COMMD5: variants seen among roughly 807,000 people sequenced by gnomAD.
The protein encoded by COMMD5 is COMM domain containing 5.
Under a neutral mutation model 6.9 loss-of-function variants are expected in COMMD5, and 10 were observed. The ratio of observed to expected loss-of-function variants is 1.44; its 90% confidence interval spans 0.89 to 2.45. COMMD5 has a LOEUF of 2.45. COMMD5 is among the 30% of genes most tolerant of loss of function. COMMD5 has a pLI of 0.00. For missense variants in COMMD5, 234 were observed against 287.8 expected, an observed-to-expected ratio of 0.81 and a Z score of 1.35; for synonymous variants, 127 against 125.3, an observed-to-expected ratio of 1.01 and a Z score of -0.09.
intron 1 of COMMD5, chr8:144,842,252 G>C: frequency 1.2e-6 from 2 of 1,614,084 alleles, no homozygotes; most frequent in Non-Finnish European, 1.7e-6. Context: ...CAGCATCAAA[G>C]GATGCATACT....
intron 1 of COMMD5, chr8:144,841,781 G>A: frequency 6.2e-7 from 1 of 1,614,184 alleles, no homozygotes; most frequent in East Asian, 2.2e-5. Context: ...ATTAGCAGAT[G>A]TCAAGAATGC....
chr8:144,847,118 G>C (rs1830553903), downstream of COMMD5: 1 of 152,290 alleles, frequency 6.6e-6, no homozygotes, highest in Admixed American at 6.5e-5. Context: ...ACAGCTTTGA[G>C]ATCTGAGTAT....
downstream of COMMD5, chr8:144,845,890 T>C: frequency 2.2e-6 from 3 of 1,339,486 alleles, no homozygotes; most frequent in South Asian, 4.1e-5. Context: ...ACGTGGCTGC[T>C]GAGAAGGGTC....
At chr8:144,846,307 A>T, downstream of COMMD5, 1 of 923,502 alleles carries the variant, frequency 1.1e-6, no homozygotes, top group Non-Finnish European at 1.6e-6. Flanking sequence ...ACATGGTCCT[A>T]AGTCAGGGGC....
At chr8:144,838,175 CCTT>C (rs1563834386), downstream of COMMD5, 1 of 702,390 alleles carries the variant, frequency 1.4e-6, no homozygotes, top group Admixed American at 2.0e-5. Context: ...ATCTCCGACT[CCTT>C]CACACGGCTG....
At chr8:144,838,164 G>C (rs1381836780), downstream of COMMD5, 7 of 702,688 alleles carry the variant, frequency 1.0e-5, no homozygotes, top group African/African-American at 7.0e-5. Context: ...CCCTCACTCT[G>C]ATCTCCGACT....
exon 2 of COMMD5, chr8:144,841,715 A>C: frequency 6.2e-7 from 1 of 1,614,176 alleles, no homozygotes; most frequent in East Asian, 2.2e-5. Context: ...GAGTGTGGCA[A>C]AGGCATCAGA....
downstream of COMMD5, chr8:144,840,892 C>CTT (rs1399527686): frequency 3.2e-5 from 5 of 156,420 alleles, no homozygotes; most frequent in East Asian, 7.4e-4. Context: ...TAGTAAGTCC[C>CTT]TTGGCAGCTC....
chr8:144,838,475 A>G, downstream of COMMD5: 1 of 299,740 alleles, frequency 3.3e-6, no homozygotes, highest in Non-Finnish European at 6.2e-6. Flanking sequence ...CAGCATGACA[A>G]GGGAGATGGG....
chr8:144,843,258 G>A (rs1830210115), intron 1 of COMMD5: 6 of 1,402,764 alleles, frequency 4.3e-6, no homozygotes, highest in African/African-American at 2.9e-5. Flanking sequence ...TGACAAACAT[G>A]TAGAATGTTG....
At chr8:144,849,711 G>A (rs994534198), downstream of COMMD5, among the ~76,000 whole-genome samples, 17 of 152,046 alleles carry the variant, frequency 1.1e-4, no homozygotes, top group African/African-American at 4.1e-4. Context: ...GCACACACCT[G>A]CCCTAGAGGC....
chr8:144,851,398 A>AT lies in COMMD5; in HGVS notation c.-57-4_-57-3insA. The AT allele has an allele frequency of 6.5e-7, 1 of 1,546,326 alleles. No individual in the cohort carries two copies. The highest frequency in any genetic ancestry group is 8.8e-7 in the Non-Finnish European group (1 of 1,139,518). On this transcript the variant is annotated splice_region_variant and splice_polypyrimidine_tract_variant and intron_variant, in intron 1 of 1. Transcript: ENST00000305103. ...AGGTCGGTCCCAGATGCAGATGCCT[A>AT]GAGTGGGGTGGAGGAGAGAAGACCA... is the stretch of plus-strand genomic sequence containing the variant.
chr8:144,838,862 AGCCC>A, downstream of COMMD5: 5 of 36,216 alleles, frequency 1.4e-4, no homozygotes, highest in Non-Finnish European at 4.1e-4. Context: ...GAATGGTGTG[AGCCC>A]AGGAGGCAGA....
downstream of COMMD5, among the ~76,000 whole-genome samples, chr8:144,839,440 G>A (rs1335827795): frequency 6.6e-6 from 1 of 152,256 alleles, no homozygotes; most frequent in Non-Finnish European, 1.5e-5. Context: ...AGGTGGCCCA[G>A]TTAAAACCCA....
At position 144,851,221 on chromosome 8, in the gene COMMD5, G is replaced by T; in HGVS notation, c.118C>A (p.Leu40Ile). 1 of 1,614,036 alleles carries T rather than the reference G, an allele frequency of 6.2e-7. No individual in the cohort carries two copies. Among genetic ancestry groups the T allele is most frequent in the Non-Finnish European group, 8.5e-7 (1 of 1,180,040 alleles). ...PPEVAAMARL[L>I]GDLDRSTFRK... is the part of the protein sequence containing the mutation. ...AACGTGCTCCTGTCTAGGTCCCCTA[G>T]TAGCCGGGCCATTGCTGCCACCTCT... The change falls in exon 2 of 2, where the codon CTA (leucine) becomes ATA (isoleucine). Residue 40 changes from leucine to isoleucine, a missense_variant. Transcript: ENST00000305103.
At position 144,851,046 on chromosome 8, in the gene COMMD5, C is replaced by T. The variant is rs1328570344; in HGVS notation, c.293G>A (p.Arg98His). The T allele has an allele frequency of 8.7e-6, 14 of 1,612,358 alleles. No individual in the cohort carries two copies. Among genetic ancestry groups the T allele is most frequent in the South Asian group, 3.3e-5 (3 of 91,018 alleles). The change falls in exon 2 of 2, where the codon CGT becomes CAT. Residue 98 changes from arginine (R) to histidine (H), a missense_variant. By Grantham distance (29) the Arg-to-His change is conservative. Transcript: ENST00000305103. ...AGGCTTCAGGCTGGTGGGGGGCAGA[C>T]GGAGGGCCTGCTGGAGCAGTGTGTG... The part of the protein sequence containing the change: ...GMHTLLQQAL[R>H]LPPTSLKPDT...
At chr8:144,839,893 A>G (rs1385588565), downstream of COMMD5, among the ~76,000 whole-genome samples, 2 of 152,142 alleles carry the variant, frequency 1.3e-5, no homozygotes, top group African/African-American at 2.4e-5. Context: ...GCATCCCCCA[A>G]CAAAGCCTTG....
chr8:144,838,928 CGAG>C (rs1829449001), downstream of COMMD5: 1 of 126,078 alleles, frequency 7.9e-6, no homozygotes, highest in Non-Finnish European at 1.6e-5. Flanking sequence ...GGCGACAGAG[CGAG>C]ATGACGTCTC....
chr8:144,843,171 C>G, intron 1 of COMMD5: 2 of 1,566,636 alleles, frequency 1.3e-6, no homozygotes, highest in South Asian at 1.2e-5. Flanking sequence ...TGGGATAGAC[C>G]ACTTACATAT....
Sources: allele counts gnomAD v4.1 joint callset (sites outside exome capture counted in the v4.1 genomes callset), GRCh38; gene constraint gnomAD v4.1.1; transcripts MANE v1.5; gene names NCBI Gene and HGNC (gene_info 2026-07-23, HGNC 2026-07-21).